Variants in NFIB observed in about 807,000 individuals in gnomAD.
NFIB encodes nuclear factor 1 B-type.
A neutral mutation model predicts 61.5 loss-of-function variants in NFIB; 11 were observed. The ratio of observed to expected loss-of-function variants is 0.18; its 90% CI spans 0.11 to 0.30. NFIB has a LOEUF of 0.30. Among genes scored for constraint, NFIB ranks in the 10% least tolerant of loss-of-function variants. NFIB has a pLI of 1.00. For missense variants in NFIB, 471 were observed against 608.9 expected (o/e 0.77, Z 2.38); for synonymous variants, 260 against 216.5 (o/e 1.20, Z -1.76).
At chr9:14,182,940 A>C (rs1160661792) in intron 2 of NFIB, among the ~76,000 whole-genome samples, 1 of 152,116 alleles carries the variant, frequency 6.6e-6, no homozygotes, top group Non-Finnish European at 1.5e-5. Context: ...GGTCAGACAC[A>C]GTCTACATTA....
chr9:14,089,760 T>C (rs1177578159), intron 10 of NFIB, among the ~76,000 whole-genome samples: 2 of 152,200 alleles, frequency 1.3e-5, no homozygotes, highest in African/African-American at 2.4e-5. Context: ...TGTTCATATT[T>C]GAATTCCAAA....
At chr9:14,428,363 C>T in the NFIB span, among the ~76,000 whole-genome samples, 1 of 152,216 alleles carries the variant, frequency 6.6e-6, no homozygotes, top group South Asian at 2.1e-4. Context: ...AGCCTCAACT[C>T]TCTTTGAATC....
At chr9:14,219,703 T>C (rs1407593361) in intron 2 of NFIB, among the ~76,000 whole-genome samples, 1 of 152,136 alleles carries the variant, frequency 6.6e-6, no homozygotes, top group East Asian at 1.9e-4. Context: ...CTACAAACAC[T>C]CCAGAGCAAA....
chr9:14,308,523 A>C (rs190387444), intron 1 of NFIB, among the ~76,000 whole-genome samples: 16 of 152,332 alleles, frequency 1.1e-4, no homozygotes, highest in African/African-American at 3.8e-4. Context: ...AACCTCTTAA[A>C]AATCAATCTG....
chr9:14,152,724 A>T (rs189003382), intron 4 of NFIB, among the ~76,000 whole-genome samples: 21 of 152,250 alleles, frequency 1.4e-4, no homozygotes, highest in African/African-American at 3.6e-4. Context: ...AAATCTTCAG[A>T]AATTGTTTTT....
chr9:14,432,036 CA>C, the NFIB span, among the ~76,000 whole-genome samples: 1 of 152,166 alleles, frequency 6.6e-6, no homozygotes, highest in African/African-American at 2.4e-5. Context: ...CTGGGGCTAG[CA>C]ATGCTCTTAC....
chr9:14,156,980 C>G (rs905006637), intron 3 of NFIB, among the ~76,000 whole-genome samples: 1 of 151,960 alleles, frequency 6.6e-6, no homozygotes, highest in Non-Finnish European at 1.5e-5. Flanking sequence ...ACATGGAGCA[C>G]TGAAATCAAA....
chr9:14,500,354 A>C, the NFIB span, among the ~76,000 whole-genome samples: 1 of 152,110 alleles, frequency 6.6e-6, no homozygotes, highest in Non-Finnish European at 1.5e-5. Flanking sequence ...GTTTACCCCC[A>C]CAGTGTTGTC....
At chr9:14,157,015 C>A (rs1212571350) in intron 3 of NFIB, among the ~76,000 whole-genome samples, 3 of 152,150 alleles carry the variant, frequency 2.0e-5, no homozygotes, top group African/African-American at 7.2e-5. Flanking sequence ...ATCCTAGCCA[C>A]AGATGACCAG....
chr9:14,323,011 G>T (rs1352947699), intron 1 of NFIB, among the ~76,000 whole-genome samples: 1 of 152,220 alleles, frequency 6.6e-6, no homozygotes, highest in African/African-American at 2.4e-5. Flanking sequence ...CAACAATAAT[G>T]ATAAAGAATA....
the NFIB span, among the ~76,000 whole-genome samples, chr9:14,427,379 C>T: frequency 1.3e-5 from 2 of 152,292 alleles, no homozygotes; most frequent in Non-Finnish European, 2.9e-5. Context: ...CACGTGACAA[C>T]CCTTTAGGCA....
intron 2 of NFIB, among the ~76,000 whole-genome samples, chr9:14,281,974 A>G (rs2058403671): frequency 6.6e-6 from 1 of 152,174 alleles, no homozygotes; most frequent in Non-Finnish European, 1.5e-5. Context: ...AAATCTTATT[A>G]TATTTCAAAA....
At chr9:14,488,522 G>C in the NFIB span, among the ~76,000 whole-genome samples, 1 of 152,148 alleles carries the variant, frequency 6.6e-6, no homozygotes, top group Non-Finnish European at 1.5e-5. Context: ...AGAAATGTTA[G>C]CTTATAATTT....
At chr9:14,296,319 A>G (rs1644891395) in intron 2 of NFIB, among the ~76,000 whole-genome samples, 1 of 152,266 alleles carries the variant, frequency 6.6e-6, no homozygotes, top group Non-Finnish European at 1.5e-5. Flanking sequence ...TCCTCGATTT[A>G]CAGAACAGAA....
At chr9:14,474,623 A>T in the NFIB span, among the ~76,000 whole-genome samples, 1 of 152,194 alleles carries the variant, frequency 6.6e-6, no homozygotes, top group African/African-American at 2.4e-5. Context: ...GGGACCTAAG[A>T]TATGATTCAT....
chr9:14,181,888 G>A lies in NFIB; in HGVS notation c.563-2108C>T, dbSNP rs191834946. On this transcript the variant is annotated intron_variant, in intron 2 of 10. Coordinates refer to ENST00000380953, the MANE Select transcript of NFIB (RefSeq NM_001190737.2). ...AAAGTTGTCAATTGTTGCAGCAGTC[G>A]CCTTATTTCAGGAGTTGTAGACTCT... 5.3e-5 allele frequency among the ~76,000 whole-genome samples: 8 copies of A among 152,244 alleles called. No homozygotes were observed. The East Asian group carries it at 1.2e-3, about 22-fold the overall frequency.
chr9:14,150,230 T>A lies in NFIB; in HGVS notation c.721A>T (p.Ile241Phe), dbSNP rs775490248. The change falls in exon 5 of 11, where the codon ATT becomes TTT. Residue 241 changes from isoleucine to phenylalanine, a missense_variant. Around this residue, in one of 2 missense-constraint regions of NFIB, gnomAD observed 372 missense variants for 395.6 expected, o/e 0.94. Transcript: ENST00000380953. ...ITQGTGVNFP[I>F]GEIPSQPYYH... ...TATGGTTGGCTTGGGATTTCTCCAA[T>A]TGGGAAGTTGACTCCAGTTCCCTGG... 11 of 1,613,390 alleles carry A rather than the reference T, an allele frequency of 6.8e-6. No individual in the cohort carries two copies. The highest frequency in any genetic ancestry group is 9.3e-6 in the Non-Finnish European group (11 of 1,179,566).
chr9:14,313,845 T>C lies in NFIB; in HGVS notation c.-334A>G, dbSNP rs1314840373. 8.0e-7 allele frequency: 1 copy of C among 1,242,460 alleles called. No individual in the cohort carries two copies. Among genetic ancestry groups the C allele is most frequent in the Non-Finnish European group, 1.0e-6 (1 of 987,172 alleles). The allele number at this position is 1,242,460 out of a possible 1,614,324, so 77.0% of individuals were successfully genotyped here. ...TGGGTTTGGGGATTTGTTTTCTATT[T>C]TGCAGTTGTTGTTGTTGTTGGGGTG... is the stretch of plus-strand genomic sequence containing the variant. On this transcript the variant is annotated 5_prime_UTR_variant, in exon 1 of 11. Coordinates refer to ENST00000380953, the MANE Select transcript of NFIB (RefSeq NM_001190737.2). The surrounding 1 kb of genome is among the most constrained non-coding windows in gnomAD (Gnocchi z 4.5).
intron 2 of NFIB, among the ~76,000 whole-genome samples, chr9:14,221,081 G>A (rs896445965): frequency 6.6e-6 from 1 of 152,012 alleles, no homozygotes; most frequent in African/African-American, 2.4e-5. Flanking sequence ...GACATACCAG[G>A]AGTCTCTGCC....
Sources: gnomAD v4.1 joint callset for allele counts (sites outside exome capture counted in the v4.1 genomes callset) on GRCh38, gnomAD v4.1.1 for gene constraint, gnomAD v4.1.1 regional missense constraint, Gnocchi (gnomAD v3.1) non-coding constraint, MANE v1.5 for transcripts, NCBI Gene and HGNC (gene_info 2026-07-23, HGNC 2026-07-21) for gene names.